The following TRRAP variants were observed in gnomAD, a reference collection of about 807,000 sequenced individuals.
TRRAP encodes the protein transformation/transcription domain associated protein, also known as transformation/transcription domain-associated protein.
TRRAP carries 41 observed loss-of-function variants against 438.8 expected under a neutral mutation model. The ratio of observed to expected loss-of-function variants is 0.09; its 90% CI spans 0.07 to 0.12. TRRAP has a LOEUF of 0.12. Ranked by LOEUF, TRRAP falls within the 10% of genes least tolerant of loss-of-function variation. The pLI, the probability that TRRAP is intolerant of heterozygous loss-of-function variation, is 1.00. For missense variants in TRRAP, 3,122 were observed against 5,055.1 expected (o/e 0.62, Z 11.60); for synonymous variants, 1,994 against 1,962.9 (o/e 1.02, Z -0.42).
At chr7:98,928,955 T>C (rs1169935239) in intron 23 of TRRAP, among the ~76,000 whole-genome samples, 1 of 149,854 alleles carries the variant, frequency 6.7e-6, no homozygotes, top group African/African-American at 2.5e-5. Context: ...TTTTTTTTTT[T>C]CAGACGGGGT....
rs748086577 is a variant in TRRAP, at chr7:98,965,553, T to C, written c.6977-143T>C. ...GATGCACGTAAGAACATATGAGTGC[T>C]TCAAATCCCAGAGCTCTAGTTGCAG... is the stretch of plus-strand genomic sequence containing the variant. On this transcript the variant is annotated intron_variant, in intron 48 of 72. Transcript: ENST00000456197. 75 of 1,112,530 alleles carry C rather than the reference T, an allele frequency of 6.7e-5. No homozygotes were observed. In the Middle Eastern group the frequency reaches 1.5e-3, roughly 22 times the overall value. 68.9% of individuals were successfully genotyped at this position (1,112,530 alleles called of 1,614,324 possible).
At chr7:98,893,730 C>A in intron 5 of TRRAP, 68 bp from the exon 6 acceptor site, 2 of 1,393,900 alleles carry the variant, frequency 1.4e-6, no homozygotes, top group Non-Finnish European at 2.0e-6. Context: ...TGTGCAGAAA[C>A]TGCTGAGAAA....
intron 69 of TRRAP, among the ~76,000 whole-genome samples, chr7:99,006,883 G>A (rs1358558319): frequency 6.6e-6 from 1 of 152,202 alleles, no homozygotes; most frequent in Non-Finnish European, 1.5e-5. Context: ...ACTTTTGGAA[G>A]AGAAACTGCA....
intron 37 of TRRAP, 111 bp from the exon 38 acceptor site, chr7:98,949,953 T>C: frequency 1.3e-6 from 2 of 1,567,344 alleles, no homozygotes; most frequent in South Asian, 1.2e-5. Context: ...TGCAGTCAGA[T>C]TGGTTGTGGA....
intron 3 of TRRAP, among the ~76,000 whole-genome samples, chr7:98,886,435 T>TACGG (rs1795710239): frequency 6.6e-6 from 1 of 151,956 alleles, no homozygotes; most frequent in African/African-American, 2.4e-5. Flanking sequence ...TCTAGAGAGA[T>TACGG]ATAGATATCT....
chr7:98,977,420 A>G (rs566071937), intron 56 of TRRAP, among the ~76,000 whole-genome samples: 7 of 152,296 alleles, frequency 4.6e-5, no homozygotes, highest in Admixed American at 2.0e-4. Context: ...CGGCCTCCCA[A>G]AGTGCTAGGA....
In TRRAP at chr7:98,994,135, T is replaced by C. The variant is rs1793542314; in HGVS notation, c.10047+398T>C. 6.6e-6 allele frequency among the ~76,000 whole-genome samples: 1 copy of C among 152,118 alleles called. No homozygotes were observed. The highest frequency in any genetic ancestry group is 1.5e-5 in the Non-Finnish European group (1 of 68,026). On this transcript the variant is annotated intron_variant, in intron 66 of 72. Coordinates refer to ENST00000456197, the MANE Select transcript of TRRAP (RefSeq NM_001375524.1). This position sits in a 1 kb window ranked among gnomAD's most constrained non-coding sequence, Gnocchi z 4.8. The stretch of plus-strand genomic sequence containing the variant: ...CAGTCAGACCACTTCCTTAATAACG[T>C]TGGCTTAAGCTGATGACAGAATAGT...
chr7:98,950,821 G>C (rs1791299374), intron 38 of TRRAP, 55 bp from the exon 39 acceptor site: 1 of 1,467,716 alleles, frequency 6.8e-7, no homozygotes, highest in African/African-American at 1.4e-5. Context: ...CCCGTCTTAA[G>C]AAACAAACAG....
Position 98,948,293 on chromosome 7 carries a change from C to T in TRRAP, c.4621C>T (p.Pro1541Ser). The change falls in exon 34 of 73, where the codon CCT becomes TCT. Residue 1541 changes from proline to serine, a missense_variant. Transcript: ENST00000456197. This position sits in a 1 kb window ranked among gnomAD's most constrained non-coding sequence, Gnocchi z 4.9. ...GGCTGCTCCTCAGACACTGGTGAAG[C>T]CTTTGCTAGAGGTTGTCATGAAAAC... is the stretch of plus-strand genomic sequence containing the variant. ...IPAAPQTLVK[P>S]LLEVVMKTER... is the part of the protein sequence containing the mutation. 4 of 1,614,192 alleles carry T rather than the reference C, an allele frequency of 2.5e-6. No homozygotes were observed. Among genetic ancestry groups the T allele is most frequent in the East Asian group, 2.2e-5 (1 of 44,876 alleles).
chr7:98,977,080 A>G lies in TRRAP; in HGVS notation c.8385+4A>G. 6.2e-7 allele frequency: 1 copy of G among 1,614,190 alleles called. No homozygotes were observed. The highest frequency in any genetic ancestry group is 8.5e-7 in the Non-Finnish European group (1 of 1,180,030). On this transcript the variant is annotated splice_donor_region_variant and intron_variant, in intron 56 of 72. Coordinates refer to ENST00000456197, the MANE Select transcript of TRRAP (RefSeq NM_001375524.1). ...GCAGCACGGGTTCTTTGAGCAGGTAAACCTCAGACCACTGACGGTCTTGGG... is the reference window on the plus strand; with the variant it reads ...GCAGCACGGGTTCTTTGAGCAGGTAGACCTCAGACCACTGACGGTCTTGGG...
chr7:98,988,663 C>T (rs1228965233), intron 62 of TRRAP, 102 bp from the exon 63 acceptor site: 10 of 1,362,264 alleles, frequency 7.3e-6, no homozygotes, highest in Admixed American at 2.1e-5. Flanking sequence ...GTGAATGGAC[C>T]AAATGCCCCG....
intron 26 of TRRAP, among the ~76,000 whole-genome samples, chr7:98,932,913 T>C (rs1264043508): frequency 3.3e-5 from 5 of 152,084 alleles, no homozygotes; most frequent in Non-Finnish European, 5.9e-5. Flanking sequence ...CAAAAAACAG[T>C]GTACTTCAAG....
Position 98,955,303 on chromosome 7 carries a change from A to C in TRRAP, c.5936A>C (p.Lys1979Thr). The C allele has an allele frequency of 6.2e-7, 1 of 1,611,618 alleles. No individual in the cohort carries two copies. Among genetic ancestry groups the C allele is most frequent in the Non-Finnish European group, 8.5e-7 (1 of 1,178,192 alleles). The change falls in exon 41 of 73, where the codon AAG becomes ACG. Residue 1979 changes from lysine (K) to threonine (T), a missense_variant and splice_region_variant. This residue lies in a region of TRRAP where 992 missense variants were observed against 1,281.2 expected (regional missense o/e 0.77). Transcript: ENST00000456197. ...HILHLIVQHF[K>T]VYYPVRHHLV... Reference sequence around the variant, plus strand: ...CTGCACCTGATAGTGCAACACTTCAAGGTGTGTAGGAGGGACGGTGGGCTG... The same window carrying C: ...CTGCACCTGATAGTGCAACACTTCACGGTGTGTAGGAGGGACGGTGGGCTG...
intron 67 of TRRAP, among the ~76,000 whole-genome samples, chr7:99,002,960 C>T (rs1241640926): frequency 6.6e-6 from 1 of 152,186 alleles, no homozygotes; most frequent in Non-Finnish European, 1.5e-5. Flanking sequence ...CGTTCCTATA[C>T]CACGGGTTAG....
intron 67 of TRRAP, among the ~76,000 whole-genome samples, chr7:99,001,546 A>T (rs1793920306): frequency 6.6e-6 from 1 of 151,270 alleles, no homozygotes; most frequent in South Asian, 2.1e-4. Context: ...AAAAAAAAAT[A>T]AAAAATCACA....
intron 7 of TRRAP, among the ~76,000 whole-genome samples, chr7:98,897,117 C>G (rs1554405867): frequency 6.6e-6 from 1 of 152,166 alleles, no homozygotes; most frequent in Non-Finnish European, 1.5e-5. Context: ...CGCTAGTAAT[C>G]TCAGCTACTT....
At chr7:98,901,184 C>G (rs1383947951) in intron 11 of TRRAP, among the ~76,000 whole-genome samples, 1 of 152,244 alleles carries the variant, frequency 6.6e-6, no homozygotes, top group Admixed American at 6.5e-5. Context: ...GGCTGGAAGT[C>G]TGAGATCAAG....
At chr7:98,903,231 A>G in intron 11 of TRRAP, 148 bp from the exon 12 acceptor site, 1 of 890,228 alleles carries the variant, frequency 1.1e-6, no homozygotes, top group Non-Finnish European at 1.7e-6. Flanking sequence ...CATGTTGGCC[A>G]GGCTAGTCTT....
At position 98,978,892 on chromosome 7, in the gene TRRAP, G is replaced by A. The variant is rs1387940711; in HGVS notation, c.8622G>A (p.Glu2874=). The change falls in exon 58 of 73, where the codon GAG becomes GAA. Residue 2874 remains glutamate, a synonymous_variant. Transcript: ENST00000456197. ...TGTCCAACTGGACTGCCATGAAGGA[G>A]GCGCTGGTGCAGGTGAGACGCCCCG... ...WRVSNWTAMK[E]ALVQVEVSCP... 6 of 1,613,956 alleles carry A rather than the reference G, an allele frequency of 3.7e-6. No individual in the cohort carries two copies. The highest frequency in any genetic ancestry group is 5.1e-6 in the Non-Finnish European group (6 of 1,180,048).
Sources: gnomAD v4.1 joint callset for allele counts (sites outside exome capture counted in the v4.1 genomes callset) on GRCh38, gnomAD v4.1.1 for gene constraint, gnomAD v4.1.1 regional missense constraint, Gnocchi (gnomAD v3.1) non-coding constraint, MANE v1.5 for transcripts, NCBI Gene and HGNC (gene_info 2026-07-23, HGNC 2026-07-21) for gene names.